Variants in CALML3 observed in about 807,000 individuals in gnomAD.
CALML3 encodes calmodulin like 3, also known as calmodulin-like protein 3.
For synonymous variants in CALML3, 98 were observed against 89.9 expected (o/e 1.09, Z -0.51); for missense variants, 198 against 214.1 (o/e 0.92, Z 0.47).
Position 5,525,596 on chromosome 10 carries a change from T to TGC in CALML3, c.*61_*62insGC. On this transcript the variant is annotated 3_prime_UTR_variant, in exon 1 of 1. Transcript: ENST00000315238. ...GCCCACAGGGCAAGAACCCGGGGCC[T>TGC]CCCGCCTCCTCCCCCATCCCCCTGC... is the stretch of plus-strand genomic sequence containing the variant. The TGC allele has an allele frequency of 6.8e-7, 1 of 1,464,810 alleles. No homozygotes were observed. Among genetic ancestry groups the TGC allele is most frequent in the Non-Finnish European group, 9.1e-7 (1 of 1,099,212 alleles). 90.7% of individuals were successfully genotyped at this position (1,464,810 alleles called of 1,614,324 possible). A position where few individuals can be genotyped will look rare whatever the true frequency, so the allele number is the denominator to read the frequency against.
chr10:5,525,776 C>T lies in CALML3; in HGVS notation c.*241C>T. On this transcript the variant is annotated 3_prime_UTR_variant, in exon 1 of 1. Transcript: ENST00000315238. ...CTCCCACTGCAGGCAAACCGTGACG[C>T]CCTCCCCACTCGGGAGAAGCAGAGC... is the stretch of plus-strand genomic sequence containing the variant. 1.4e-6 allele frequency: 2 copies of T among 1,413,606 alleles called. No homozygotes were observed. The highest frequency in any genetic ancestry group is 1.9e-6 in the Non-Finnish European group (2 of 1,078,452). 87.6% of individuals were successfully genotyped at this position (1,413,606 alleles called of 1,614,324 possible). A position where few individuals can be genotyped will look rare whatever the true frequency, so the allele number is the denominator to read the frequency against.
chr10:5,525,606 TC>T lies in CALML3; in HGVS notation c.*76del. 1 of 988,032 alleles carries T rather than the reference TC, an allele frequency of 1.0e-6. No individual in the cohort carries two copies. Among genetic ancestry groups the T allele is most frequent in the Non-Finnish European group, 1.5e-6 (1 of 672,142 alleles). 61.2% of individuals were successfully genotyped at this position (988,032 alleles called of 1,614,324 possible). ...CAAGAACCCGGGGCCTCCCGCCTCC[TC>T]CCCCATCCCCCTGCCTCCCCTGGGC... On this transcript the variant is annotated 3_prime_UTR_variant, in exon 1 of 1. Transcript: ENST00000315238.
At position 5,525,274 on chromosome 10, in the gene CALML3, C is replaced by T; in HGVS notation, c.189C>T (p.Thr63=). ...MSEIDRDGNG[T]VDFPEFLGMM... is the part of the protein sequence containing the mutation. ...AGATCGACCGGGACGGCAACGGCAC[C>T]GTGGACTTCCCCGAGTTCCTGGGCA... The change falls in exon 1 of 1, where the codon ACC becomes ACT. Residue 63 remains threonine, a synonymous_variant. Transcript: ENST00000315238. 1 of 1,613,936 alleles carries T rather than the reference C, an allele frequency of 6.2e-7. No homozygotes were observed. Among genetic ancestry groups the T allele is most frequent in the South Asian group, 1.1e-5 (1 of 91,074 alleles).
Position 5,525,397 on chromosome 10 carries a change from C to T in CALML3, c.312C>T (p.Ala104=), listed in dbSNP as rs1049776036. 4.3e-6 allele frequency: 7 copies of T among 1,613,876 alleles called. No individual in the cohort carries two copies. Among genetic ancestry groups the T allele is most frequent in the Middle Eastern group, 1.6e-4 (1 of 6,062 alleles). Residue 104 remains alanine (A), a synonymous_variant, in exon 1 of 1, where the codon GCC becomes GCT. Coordinates refer to ENST00000315238, the MANE Select transcript of CALML3 (RefSeq NM_005185.4). ...DKDGNGFVSA[A]ELRHVMTRLG... is the part of the protein sequence containing the mutation. ...ACGGCAACGGCTTCGTCAGCGCCGC[C>T]GAGCTGCGACACGTCATGACCCGGC...
At position 5,525,887 on chromosome 10, in the gene CALML3, G is replaced by C. The variant is rs78014690; in HGVS notation, c.*352G>C. The C allele has an allele frequency of 9.2e-3, 6,206 of 671,178 alleles. 317 individuals carry two copies. In the African/African-American group the frequency reaches 0.1, roughly 11 times the overall value. The allele number at this position is 671,178 out of a possible 1,614,324, so 41.6% of individuals were successfully genotyped here. On this transcript the variant is annotated 3_prime_UTR_variant, in exon 1 of 1. Transcript: ENST00000315238. ...ACCGGGTGACCCCTTAGGGCACCCA[G>C]GCAAGATCCCTAAGAGGCACCCAAT...
chr10:5,525,335 G>A lies in CALML3; in HGVS notation c.250G>A (p.Glu84Lys). The A allele has an allele frequency of 6.2e-7, 1 of 1,613,968 alleles. No homozygotes were observed. Among genetic ancestry groups the A allele is most frequent in the Admixed American group, 1.7e-5 (1 of 60,034 alleles). ...ARKMKDTDNE[E>K]EIREAFRVFD... ...GAAGATGAAGGACACGGACAACGAG[G>A]AGGAGATCCGCGAGGCCTTCCGCGT... The change falls in exon 1 of 1, where the codon GAG becomes AAG. Residue 84 changes from glutamate (E) to lysine (K), a missense_variant. Transcript: ENST00000315238.
At position 5,526,700 on chromosome 10, in the gene CALML3, AG is replaced by A. The variant is rs141270022; in HGVS notation, c.*1169del. 1,273 of 167,290 alleles carry A rather than the reference AG, an allele frequency of 7.6e-3. 22 individuals carry two copies. Among genetic ancestry groups the A allele is most frequent in the African/African-American group, 0.029 (1,223 of 41,546 alleles). The allele number at this position is 167,290 out of a possible 1,614,324, so 10.4% of individuals were successfully genotyped here. On this transcript the variant is annotated 3_prime_UTR_variant, in exon 1 of 1. Transcript: ENST00000315238. ...GCTGGCAACACCTAGAGAAGGTCGA[AG>A]GGGCCCTGCCAGAGATCCCTTCAAT...
In CALML3 at chr10:5,526,092, G is replaced by C. The variant is rs185909903; in HGVS notation, c.*557G>C. ...CCTCCTGAAAACAGCACTGCCTTCCGCGCTGCCCCAGCTTGCCCCATTCCT... is the reference window on the plus strand; with the variant it reads ...CCTCCTGAAAACAGCACTGCCTTCCCCGCTGCCCCAGCTTGCCCCATTCCT... On this transcript the variant is annotated 3_prime_UTR_variant, in exon 1 of 1. Coordinates refer to ENST00000315238, the MANE Select transcript of CALML3 (RefSeq NM_005185.4). The C allele has an allele frequency of 4.5e-3, 765 of 169,976 alleles. 5 individuals are homozygous for C. Among genetic ancestry groups the C allele is most frequent in the African/African-American group, 0.018 (733 of 41,608 alleles). 10.5% of individuals were successfully genotyped at this position (169,976 alleles called of 1,614,324 possible).
Position 5,525,227 on chromosome 10 carries a change from G to T in CALML3, c.142G>T (p.Glu48Ter). 1 of 1,613,932 alleles carries T rather than the reference G, an allele frequency of 6.2e-7. No homozygotes were observed. The highest frequency in any genetic ancestry group is 1.3e-5 in the African/African-American group (1 of 75,040). The change falls in exon 1 of 1, where the codon GAG (glutamate) becomes TAG (stop). Residue 48 changes from glutamate to a stop codon, truncating the protein, a stop_gained. Coordinates refer to ENST00000315238, the MANE Select transcript of CALML3 (RefSeq NM_005185.4). LOFTEE classifies it low-confidence loss of function (END_TRUNC). ...CCTGGGCCAGAACCCCACGGAGGCC[G>T]AGCTGCGGGACATGATGAGTGAGAT... is the stretch of plus-strand genomic sequence containing the variant. ...RSLGQNPTEAELRDMMSEIDR... is the reference protein window; with the variant it reads ...RSLGQNPTEA
Position 5,525,002 on chromosome 10 carries a change from A to G in CALML3, c.-84A>G. ...CGCCCGGATCTCCACCTGCCACCCC[A>G]GAGCTGGGACAGCAGCCGGGCTGCG... is the stretch of plus-strand genomic sequence containing the variant. On this transcript the variant is annotated 5_prime_UTR_variant, in exon 1 of 1. Coordinates refer to ENST00000315238, the MANE Select transcript of CALML3 (RefSeq NM_005185.4). 9.4e-7 allele frequency: 1 copy of G among 1,064,536 alleles called. No homozygotes were observed. Among genetic ancestry groups the G allele is most frequent in the East Asian group, 2.5e-5 (1 of 40,030 alleles). 65.9% of individuals were successfully genotyped at this position (1,064,536 alleles called of 1,614,324 possible).
rs1833588233 is a variant in CALML3, at chr10:5,526,438, A to G, written c.*903A>G. 6.0e-6 allele frequency: 1 copy of G among 167,020 alleles called. No homozygotes were observed. Among genetic ancestry groups the G allele is most frequent in the African/African-American group, 2.4e-5 (1 of 41,436 alleles). 10.3% of individuals were successfully genotyped at this position (167,020 alleles called of 1,614,324 possible). A position where few individuals can be genotyped will look rare whatever the true frequency, so the allele number is the denominator to read the frequency against. Reference sequence around the variant, plus strand: ...AGTCTGGATGAGGGAAATATTGAATATTCTCAATCAAATGGATACGCTGGC... The same window carrying G: ...AGTCTGGATGAGGGAAATATTGAATGTTCTCAATCAAATGGATACGCTGGC... On this transcript the variant is annotated 3_prime_UTR_variant, in exon 1 of 1. Transcript: ENST00000315238.
rs914364784 is a variant in CALML3 at position 5,525,607 on chromosome 10, C to T, written c.*72C>T. 4.1e-6 allele frequency: 6 copies of T among 1,454,374 alleles called. No homozygotes were observed. Among genetic ancestry groups the T allele is most frequent in the African/African-American group, 2.8e-5 (2 of 70,328 alleles). The allele number at this position is 1,454,374 out of a possible 1,614,324, so 90.1% of individuals were successfully genotyped here. On this transcript the variant is annotated 3_prime_UTR_variant, in exon 1 of 1. Coordinates refer to ENST00000315238, the MANE Select transcript of CALML3 (RefSeq NM_005185.4). ...AAGAACCCGGGGCCTCCCGCCTCCT[C>T]CCCCATCCCCCTGCCTCCCCTGGGC...
chr10:5,526,322 G>T lies in CALML3; in HGVS notation c.*787G>T, dbSNP rs189289674. 2 of 166,536 alleles carry T rather than the reference G, an allele frequency of 1.2e-5. No homozygotes were observed. The highest frequency in any genetic ancestry group is 2.4e-5 in the African/African-American group (1 of 41,332). 10.3% of individuals were successfully genotyped at this position (166,536 alleles called of 1,614,324 possible). Reference sequence around the variant, plus strand: ...AATGATCCTTGTTAAATTCAGGGTTGAAACGAGGCAGGAATCTCCATTTTT... The same window carrying T: ...AATGATCCTTGTTAAATTCAGGGTTTAAACGAGGCAGGAATCTCCATTTTT... On this transcript the variant is annotated 3_prime_UTR_variant, in exon 1 of 1. Coordinates refer to ENST00000315238, the MANE Select transcript of CALML3 (RefSeq NM_005185.4).
rs1457450175 is a variant in CALML3 at position 5,526,695 on chromosome 10, GT to G, written c.*1161del. The G allele has an allele frequency of 6.0e-6, 1 of 167,084 alleles. No individual in the cohort carries two copies. 10.4% of individuals were successfully genotyped at this position (167,084 alleles called of 1,614,324 possible). On this transcript the variant is annotated 3_prime_UTR_variant, in exon 1 of 1. Coordinates refer to ENST00000315238, the MANE Select transcript of CALML3 (RefSeq NM_005185.4). ...AAGCTGCTGGCAACACCTAGAGAAGGTCGAAGGGGCCCTGCCAGAGATCCCT... is the reference window on the plus strand; with the variant it reads ...AAGCTGCTGGCAACACCTAGAGAAGGCGAAGGGGCCCTGCCAGAGATCCCT...
In CALML3 at chr10:5,525,294, T is replaced by G; in HGVS notation, c.209T>G (p.Leu70Arg). Residue 70 changes from leucine (L) to arginine (R), a missense_variant, in exon 1 of 1, where the codon CTG becomes CGG. Coordinates refer to ENST00000315238, the MANE Select transcript of CALML3 (RefSeq NM_005185.4). ...GNGTVDFPEFLGMMARKMKDT... is the reference protein window; with the variant it reads ...GNGTVDFPEFRGMMARKMKDT... ...GGCACCGTGGACTTCCCCGAGTTCC[T>G]GGGCATGATGGCCAGGAAGATGAAG... The G allele has an allele frequency of 6.2e-7, 1 of 1,613,898 alleles. No individual in the cohort carries two copies. Among genetic ancestry groups the G allele is most frequent in the Non-Finnish European group, 8.5e-7 (1 of 1,179,982 alleles).
rs988865012 is a variant in CALML3 at position 5,525,605 on chromosome 10, C to T, written c.*70C>T. 4.1e-6 allele frequency: 6 copies of T among 1,466,302 alleles called. No individual in the cohort carries two copies. In the African/African-American group the frequency reaches 4.2e-5, roughly 10 times the overall value. 90.8% of individuals were successfully genotyped at this position (1,466,302 alleles called of 1,614,324 possible). On this transcript the variant is annotated 3_prime_UTR_variant, in exon 1 of 1. Coordinates refer to ENST00000315238, the MANE Select transcript of CALML3 (RefSeq NM_005185.4). ...GCAAGAACCCGGGGCCTCCCGCCTC[C>T]TCCCCCATCCCCCTGCCTCCCCTGG...
Position 5,525,762 on chromosome 10 carries a change from G to C in CALML3, c.*227G>C, listed in dbSNP as rs1385197686. ...AATGACACGGAACGCTCCCACTGCAGGCAAACCGTGACGCCCTCCCCACTC... is the reference window on the plus strand; with the variant it reads ...AATGACACGGAACGCTCCCACTGCACGCAAACCGTGACGCCCTCCCCACTC... On this transcript the variant is annotated 3_prime_UTR_variant, in exon 1 of 1. Transcript: ENST00000315238. 13 of 1,425,480 alleles carry C rather than the reference G, an allele frequency of 9.1e-6. No individual in the cohort carries two copies. The highest frequency in any genetic ancestry group is 1.4e-5 in the African/African-American group (1 of 69,274). 88.3% of individuals were successfully genotyped at this position (1,425,480 alleles called of 1,614,324 possible).
rs1588462970 is a variant in CALML3, at chr10:5,525,832, G to A, written c.*297G>A. 5 of 1,243,128 alleles carry A rather than the reference G, an allele frequency of 4.0e-6. No homozygotes were observed. The highest frequency in any genetic ancestry group is 5.2e-6 in the Non-Finnish European group (5 of 968,128). 77.0% of individuals were successfully genotyped at this position (1,243,128 alleles called of 1,614,324 possible). Reference sequence around the variant, plus strand: ...TTAGGACCGAGCACCAGGGCAGGTTGCGCTGACTCTGCGGCCCTCCAGGAC... The same window carrying A: ...TTAGGACCGAGCACCAGGGCAGGTTACGCTGACTCTGCGGCCCTCCAGGAC... On this transcript the variant is annotated 3_prime_UTR_variant, in exon 1 of 1. Transcript: ENST00000315238.
At position 5,525,350 on chromosome 10, in the gene CALML3, GC is replaced by G; in HGVS notation, c.267del (p.Phe90SerfsTer21). The G allele has an allele frequency of 6.2e-7, 1 of 1,613,890 alleles. No homozygotes were observed. Among genetic ancestry groups the G allele is most frequent in the Non-Finnish European group, 8.5e-7 (1 of 1,179,992 alleles). On this transcript the variant is annotated frameshift_variant, in exon 1 of 1. Transcript: ENST00000315238. LOFTEE classifies it low-confidence loss of function (END_TRUNC). ...GGACAACGAGGAGGAGATCCGCGAG[GC>G]CTTCCGCGTGTTCGACAAGGACGGC... ...DTDNEEEIRE[A>X]FRVFDKDGNG... is the part of the protein sequence containing the mutation.
Sources: gnomAD v4.1 joint callset for allele counts on GRCh38, gnomAD v4.1.1 for gene constraint, MANE v1.5 for transcripts, NCBI Gene and HGNC (gene_info 2026-07-23, HGNC 2026-07-21) for gene names.